The following BRWD3 variants were observed in gnomAD, a reference collection of about 807,000 sequenced individuals.
The protein encoded by BRWD3 is bromodomain and WD repeat domain containing 3.
In BRWD3, 10 loss-of-function variants were observed where a neutral mutation model predicts 149.7. That is an observed-to-expected ratio of 0.07 (90% confidence interval 0.04 to 0.11). BRWD3 has a LOEUF of 0.11. Ranked by LOEUF, BRWD3 falls within the 10% of genes least tolerant of loss-of-function variation. The probability of loss-of-function intolerance (pLI) is 1.00; values close to 1 mark genes in which losing one functional copy is unlikely to be tolerated. For missense variants in BRWD3, 940 were observed against 1,373.2 expected (o/e 0.68, Z 4.99); for synonymous variants, 504 against 456.7 (o/e 1.10, Z -1.32).
At chrX:80,742,809 G>A (rs1312160583) in intron 8 of BRWD3, among the ~76,000 whole-genome samples, 1 of 111,092 alleles carries the variant, frequency 9.0e-6, no homozygotes, top group Non-Finnish European at 1.9e-5. Context: ...AGACGATGGA[G>A]TTTTCTAAAT....
rs1195266133 is a variant in BRWD3, at chrX:80,724,951, A to C, written c.1503T>G (p.Ile501Met). 1 of 1,210,651 alleles carries C rather than the reference A, an allele frequency of 8.3e-7. No homozygotes were observed. The highest frequency in any genetic ancestry group is 2.2e-5 in the Admixed American group (1 of 45,981). Residue 501 changes from isoleucine to methionine, a missense_variant, in exon 15 of 41, where the codon ATT becomes ATG. This residue lies in a region of BRWD3 where 209 missense variants were observed against 396.8 expected (regional missense o/e 0.53). Coordinates refer to ENST00000373275, the MANE Select transcript of BRWD3 (RefSeq NM_153252.5). ...CTCTTACCATGTTAAAGTAATTCCG[A>C]ATTTTGGTCCCCCGGTCAAGGTCCC... ...FIWDLDRGTKIRNYFNMIEGQ... is the reference protein window; with the variant it reads ...FIWDLDRGTKMRNYFNMIEGQ...
At chrX:80,725,296 A>G (rs1171221015) in intron 14 of BRWD3, among the ~76,000 whole-genome samples, 1 of 112,041 alleles carries the variant, frequency 8.9e-6, no homozygotes, top group African/African-American at 3.2e-5. Flanking sequence ...ATGTTTTTAA[A>G]ATAAAGATAG....
Position 80,775,372 on chromosome X carries a change from A to G in BRWD3, c.430+16482T>C, listed in dbSNP as rs972529238. ...GTATTCTCCTCTTAATAAAACCACT[A>G]CTTATTTTTCAAGGGGCTTTACTTG... On this transcript the variant is annotated intron_variant, in intron 6 of 40. Transcript: ENST00000373275. Among the ~76,000 whole-genome samples, 4 of 111,657 alleles carry G rather than the reference A, an allele frequency of 3.6e-5. 1 individual carries two copies. The highest frequency in any genetic ancestry group is 7.5e-5 in the Non-Finnish European group (4 of 53,130).
At chrX:80,713,682 A>T (rs1202849548) in intron 20 of BRWD3, among the ~76,000 whole-genome samples, 1 of 110,922 alleles carries the variant, frequency 9.0e-6, no homozygotes. Flanking sequence ...CCCAAGAATG[A>T]TCAATAAAAA....
intron 22 of BRWD3, among the ~76,000 whole-genome samples, chrX:80,705,064 G>A (rs1602326390): frequency 9.0e-6 from 1 of 111,089 alleles, no homozygotes. Flanking sequence ...TCAGGAATTC[G>A]AGACCAGCCT....
chrX:80,783,107 C>T (rs1382934129), intron 6 of BRWD3, among the ~76,000 whole-genome samples: 2 of 110,522 alleles, frequency 1.8e-5, no homozygotes, highest in South Asian at 3.8e-4. Context: ...CTATGAGGGG[C>T]GGGTGCAGTG....
chrX:80,736,080 T>C lies in BRWD3; in HGVS notation c.822A>G (p.Pro274=), dbSNP rs1436639808. 4.3e-6 allele frequency: 5 copies of C among 1,162,267 alleles called. No individual in the cohort carries two copies. The highest frequency in any genetic ancestry group is 5.8e-6 in the Non-Finnish European group (5 of 862,367). The change falls in exon 9 of 41, where the codon CCA becomes CCG. Residue 274 remains proline, a synonymous_variant. Coordinates refer to ENST00000373275, the MANE Select transcript of BRWD3 (RefSeq NM_153252.5). ...GGTATCTGTTTGTGCCTTTAGTTGATGGACAAAACTTAAAAAAAAAAAAAT... is the reference window on the plus strand; with the variant it reads ...GGTATCTGTTTGTGCCTTTAGTTGACGGACAAAACTTAAAAAAAAAAAAAT... ...SASITSIQFC[P]STKGTNRYLT...
At chrX:80,711,043 CA>C (rs1435374959) in intron 20 of BRWD3, among the ~76,000 whole-genome samples, 1 of 110,884 alleles carries the variant, frequency 9.0e-6, no homozygotes, top group Non-Finnish European at 1.9e-5. Flanking sequence ...AGAATTTGCC[CA>C]TTCATAATTT....
chrX:80,700,434 A>ATATATATATATATATATATATATATG (rs2072767446), intron 24 of BRWD3, among the ~76,000 whole-genome samples: 1 of 21,903 alleles, frequency 4.6e-5, no homozygotes, highest in East Asian at 1.5e-3. Context: ...AAAATATTTG[A>ATATATATATATATATATATATATATG]TATATATAAC....
Position 80,788,056 on chromosome X carries a change from C to A in BRWD3, c.430+3798G>T, listed in dbSNP as rs2074132815. 3.7e-5 allele frequency among the ~76,000 whole-genome samples: 4 copies of A among 108,358 alleles called. No individual in the cohort carries two copies. In the Admixed American group the frequency reaches 4.0e-4, roughly 11 times the overall value. 94.1% of individuals were successfully genotyped at this position (108,358 alleles called of 115,157 possible). A position where few individuals can be genotyped will look rare whatever the true frequency, so the allele number is the denominator to read the frequency against. The stretch of plus-strand genomic sequence containing the variant: ...CCGAGACTGCGCCACTGCACTCCAG[C>A]CTGGGTGACAGAGCGAGACTCTGTC... On this transcript the variant is annotated intron_variant, in intron 6 of 40. Coordinates refer to ENST00000373275, the MANE Select transcript of BRWD3 (RefSeq NM_153252.5).
rs1291639878 is a variant in BRWD3, at chrX:80,707,410, AAAACCATT to A, written c.2552+9_2552+16del. 5.9e-6 allele frequency: 7 copies of A among 1,186,843 alleles called. No homozygotes were observed. Among genetic ancestry groups the A allele is most frequent in the Non-Finnish European group, 8.0e-6 (7 of 873,166 alleles). On this transcript the variant is annotated intron_variant, in intron 22 of 40. Transcript: ENST00000373275. ...ACTGTTCAATAATTTTGACCAAATT[AAAACCATT>A]AAAACTACCTGGAAGAACTTTCACT...
intron 6 of BRWD3, among the ~76,000 whole-genome samples, chrX:80,779,150 C>T (rs1482402276): frequency 1.8e-5 from 2 of 110,329 alleles, no homozygotes; most frequent in Non-Finnish European, 3.8e-5. Context: ...CCCATCTCTA[C>T]TAAAAATACA....
chrX:80,734,057 A>T, intron 11 of BRWD3, 61 bp downstream of exon 11: 1 of 841,982 alleles, frequency 1.2e-6, no homozygotes, highest in Non-Finnish European at 1.8e-6. Context: ...TCAGAAAAGA[A>T]ATGAAATAAG....
At chrX:80,789,835 T>TC (rs1228349618) in intron 6 of BRWD3, among the ~76,000 whole-genome samples, 11 of 108,757 alleles carry the variant, frequency 1.0e-4, no homozygotes, top group Admixed American at 3.0e-4. Context: ...TTTTTTTTTT[T>TC]CCGAAAAACT....
At chrX:80,725,526 C>G (rs1020868945) in intron 14 of BRWD3, among the ~76,000 whole-genome samples, 1 of 112,399 alleles carries the variant, frequency 8.9e-6, no homozygotes, top group Non-Finnish European at 1.9e-5. Context: ...TGGCTCTGCT[C>G]TATATCTACT....
At chrX:80,762,050 G>A (rs1346783326) in intron 6 of BRWD3, among the ~76,000 whole-genome samples, 9 of 110,819 alleles carry the variant, frequency 8.1e-5, no homozygotes, top group Non-Finnish European at 1.7e-4. Flanking sequence ...TAATTCTCAA[G>A]ATAAAAAAAT....
Position 80,709,407 on chromosome X carries a change from AAAT to A in BRWD3, c.2475+18_2475+20del. On this transcript the variant is annotated intron_variant, in intron 21 of 40. Coordinates refer to ENST00000373275, the MANE Select transcript of BRWD3 (RefSeq NM_153252.5). ...TGGGAAACAAAAAACTACATCAAAT[AAAT>A]AATAGTATATATATAACCTCTGAAG... 1.7e-6 allele frequency: 2 copies of A among 1,187,566 alleles called. No homozygotes were observed. Among genetic ancestry groups the A allele is most frequent in the Non-Finnish European group, 2.3e-6 (2 of 878,535 alleles).
chrX:80,705,875 T>C (rs774622951), intron 22 of BRWD3, among the ~76,000 whole-genome samples: 4 of 111,293 alleles, frequency 3.6e-5, no homozygotes, highest in Non-Finnish European at 5.7e-5. Context: ...CGTGGGTGAG[T>C]CAGTGAGTGA....
chrX:80,788,964 ATGTTCCATATTTTAT>A (rs2074145784), intron 6 of BRWD3, among the ~76,000 whole-genome samples: 1 of 112,154 alleles, frequency 8.9e-6, no homozygotes, highest in African/African-American at 3.2e-5. Flanking sequence ...GCTGATAAAA[ATGTTCCATATTTTAT>A]TGTAGTGGTG....
Sources: gnomAD v4.1 joint callset for allele counts (sites outside exome capture counted in the v4.1 genomes callset) on GRCh38, gnomAD v4.1.1 for gene constraint, gnomAD v4.1.1 regional missense constraint, MANE v1.5 for transcripts, NCBI Gene and HGNC (gene_info 2026-07-23, HGNC 2026-07-21) for gene names.